DACH2: variants seen among roughly 807,000 people sequenced by gnomAD.
DACH2 encodes dachshund family transcription factor 2.
A neutral mutation model predicts 35.8 loss-of-function variants in DACH2; 17 were observed. That is an observed-to-expected ratio of 0.48 (90% CI 0.33 to 0.71). The LOEUF is 0.71. DACH2 is among the 30% of genes least tolerant of loss of function. The pLI is 0.02. For synonymous variants in DACH2, 195 were observed against 177.3 expected (o/e 1.10, Z -0.79); for missense variants, 469 against 472.7 (o/e 0.99, Z 0.07).
rs188462141 is a variant in DACH2, at chrX:86,698,581, G to A, written c.931+3402G>A. Among the ~76,000 whole-genome samples, 436 of 80,922 alleles carry A rather than the reference G, an allele frequency of 5.4e-3. 5 individuals carry two copies. Among genetic ancestry groups the A allele is most frequent in the African/African-American group, 0.02 (396 of 19,756 alleles). 70.3% of individuals were successfully genotyped at this position (80,922 alleles called of 115,157 possible). ...CTCACTCTGTCACCCAGGCTGGAGTGTAGTGGTGTGATCATGGCTCACTGC... is the reference window on the plus strand; with the variant it reads ...CTCACTCTGTCACCCAGGCTGGAGTATAGTGGTGTGATCATGGCTCACTGC... On this transcript the variant is annotated intron_variant, in intron 5 of 11. Coordinates refer to ENST00000373125, the MANE Select transcript of DACH2 (RefSeq NM_053281.3).
intron 1 of DACH2, among the ~76,000 whole-genome samples, chrX:86,218,733 G>A (rs2032634433): frequency 1.8e-5 from 2 of 111,654 alleles, no homozygotes; most frequent in South Asian, 3.7e-4. Flanking sequence ...CATTATATAA[G>A]TTGAGATTTT....
At chrX:86,389,712 T>C (rs918944103) in intron 2 of DACH2, among the ~76,000 whole-genome samples, 5 of 112,106 alleles carry the variant, frequency 4.5e-5, no homozygotes, top group African/African-American at 9.7e-5. Context: ...TACTCATGCT[T>C]AGAAATATAT....
chrX:86,744,511 T>C (rs2041690858), intron 7 of DACH2, among the ~76,000 whole-genome samples: 1 of 111,753 alleles, frequency 8.9e-6, no homozygotes, highest in Non-Finnish European at 1.9e-5. Flanking sequence ...ATCATCATGA[T>C]TTTAAAAATG....
At chrX:86,513,788 C>T (rs1188898255) in intron 2 of DACH2, among the ~76,000 whole-genome samples, 1 of 111,839 alleles carries the variant, frequency 8.9e-6, no homozygotes, top group Non-Finnish European at 1.9e-5. Flanking sequence ...TCCTCGTTGG[C>T]TCCCAGCAGC....
chrX:86,485,677 G>A (rs914280802), intron 2 of DACH2, among the ~76,000 whole-genome samples: 1 of 110,433 alleles, frequency 9.1e-6, no homozygotes, highest in African/African-American at 3.3e-5. Context: ...TCTTCCAACC[G>A]ATTTATAGTT....
intron 2 of DACH2, among the ~76,000 whole-genome samples, chrX:86,423,133 G>A (rs1373148560): frequency 9.0e-6 from 1 of 111,422 alleles, no homozygotes; most frequent in African/African-American, 3.3e-5. Context: ...ACAAACACAG[G>A]AGTGCAAATA....
chrX:86,806,775 G>A (rs2042348973), intron 7 of DACH2, among the ~76,000 whole-genome samples: 1 of 111,894 alleles, frequency 8.9e-6, no homozygotes, highest in Admixed American at 9.5e-5. Context: ...TTTCCAATAA[G>A]GGATCCTCAA....
intron 1 of DACH2, among the ~76,000 whole-genome samples, chrX:86,368,116 C>T (rs773459931): frequency 3.6e-5 from 4 of 111,874 alleles, no homozygotes; most frequent in East Asian, 5.7e-4. Flanking sequence ...ACTGCACTGA[C>T]GACTTCAGGT....
intron 2 of DACH2, among the ~76,000 whole-genome samples, chrX:86,457,083 G>A (rs1259497229): frequency 2.7e-5 from 3 of 111,182 alleles, no homozygotes. Context: ...GTCAAATTTA[G>A]TTTTTATGTC....
chrX:86,376,517 C>G (rs1233780841), intron 1 of DACH2, among the ~76,000 whole-genome samples: 2 of 110,444 alleles, frequency 1.8e-5, no homozygotes, highest in African/African-American at 6.5e-5. Context: ...ATTTCCTTGT[C>G]TTCATATATG....
At chrX:86,673,693 G>A (rs1357191381) in intron 4 of DACH2, among the ~76,000 whole-genome samples, 1 of 111,189 alleles carries the variant, frequency 9.0e-6, no homozygotes, top group Non-Finnish European at 1.9e-5. Context: ...GAGGGGCCGG[G>A]GGCAGAATGA....
At chrX:86,282,170 C>CA (rs59586096) in intron 1 of DACH2, among the ~76,000 whole-genome samples, 31 of 109,284 alleles carry the variant, frequency 2.8e-4, no homozygotes, top group South Asian at 7.8e-4. Flanking sequence ...CGTATGGAAC[C>CA]AAAAAAAAGA....
intron 1 of DACH2, among the ~76,000 whole-genome samples, chrX:86,363,388 A>G (rs1477560940): frequency 9.0e-6 from 1 of 111,332 alleles, no homozygotes; most frequent in Non-Finnish European, 1.9e-5. Context: ...CCTTCTTACA[A>G]CTCCACATCT....
At chrX:86,811,558 T>C (rs1007584704) in intron 7 of DACH2, among the ~76,000 whole-genome samples, 1 of 111,842 alleles carries the variant, frequency 8.9e-6, no homozygotes, top group Non-Finnish European at 1.9e-5. Flanking sequence ...GAGAGATGCA[T>C]ACTTTTTAAA....
intron 1 of DACH2, among the ~76,000 whole-genome samples, chrX:86,193,962 T>C (rs1039428408): frequency 2.7e-5 from 3 of 110,290 alleles, no homozygotes; most frequent in Non-Finnish European, 3.8e-5. Context: ...GGAATATATA[T>C]TGAATTCTGC....
chrX:86,749,916 A>G (rs1185287365), intron 7 of DACH2, among the ~76,000 whole-genome samples: 1 of 111,221 alleles, frequency 9.0e-6, no homozygotes, highest in Non-Finnish European at 1.9e-5. Context: ...ATTTTTCTAT[A>G]TTGTTCTTAT....
rs146456669 is a variant in DACH2 at position 86,484,465 on chromosome X, A to G, written c.528-29814A>G. Among the ~76,000 whole-genome samples the G allele has an allele frequency of 3.7e-3, 418 of 112,012 alleles. 5 individuals carry two copies. The East Asian group carries it at 0.045, about 12-fold the overall frequency. The stretch of plus-strand genomic sequence containing the variant: ...GAGTAATTGATGAATTGTATGTAAT[A>G]TGCAAATGTGAATGCATAAATCTCC... On this transcript the variant is annotated intron_variant, in intron 2 of 11. Coordinates refer to ENST00000373125, the MANE Select transcript of DACH2 (RefSeq NM_053281.3).
intron 3 of DACH2, among the ~76,000 whole-genome samples, chrX:86,588,094 C>G (rs1277595025): frequency 5.4e-5 from 6 of 111,198 alleles, no homozygotes; most frequent in Non-Finnish European, 9.4e-5. Context: ...TATGGATAGA[C>G]AGTTATCCCA....
chrX:86,277,617 C>T (rs113621668), intron 1 of DACH2, among the ~76,000 whole-genome samples: 28 of 112,231 alleles, frequency 2.5e-4, no homozygotes, highest in African/African-American at 8.4e-4. Flanking sequence ...ACATCAACAA[C>T]GCATTTGGCC....
Sources: allele counts gnomAD v4.1 joint callset (sites outside exome capture counted in the v4.1 genomes callset), GRCh38; gene constraint gnomAD v4.1.1; transcripts MANE v1.5; gene names NCBI Gene and HGNC (gene_info 2026-07-23, HGNC 2026-07-21).